Variants in IQSEC2 observed in about 807,000 individuals in gnomAD.
IQSEC2 encodes IQ motif and SEC7 domain-containing protein 2.
IQSEC2 carries 6 observed loss-of-function variants against 74.6 expected under a neutral mutation model. The observed-to-expected ratio is 0.08, with a 90% CI of 0.04 to 0.16. The LOEUF is 0.16. Ranked by LOEUF, IQSEC2 falls within the 10% of genes least tolerant of loss-of-function variation. IQSEC2 has a pLI of 1.00. For missense variants in IQSEC2, 734 were observed against 1,306.2 expected (o/e 0.56, Z 6.75); for synonymous variants, 494 against 544.5 (o/e 0.91, Z 1.29).
At chrX:53,271,159 G>A (rs782381459) in intron 2 of IQSEC2, among the ~76,000 whole-genome samples, 1 of 111,540 alleles carries the variant, frequency 9.0e-6, no homozygotes, top group African/African-American at 3.3e-5. Context: ...AGGCCTTTGC[G>A]GACACTGTCA....
chrX:53,304,199 T>A (rs967966175), intron 1 of IQSEC2, among the ~76,000 whole-genome samples: 1 of 109,783 alleles, frequency 9.1e-6, no homozygotes, highest in Admixed American at 9.7e-5. Context: ...AAGCCAAGAA[T>A]CAGACCTAGA....
At chrX:53,238,453 C>T (rs1301030055) in intron 11 of IQSEC2, 147 bp from the exon 12 acceptor site, 2 of 572,124 alleles carry the variant, frequency 3.5e-6, no homozygotes, top group Admixed American at 2.7e-5. Flanking sequence ...CATCATGGCT[C>T]ACTGCAGCCT....
intron 1 of IQSEC2, among the ~76,000 whole-genome samples, chrX:53,294,021 C>G (rs181516862): frequency 1.8e-5 from 2 of 111,635 alleles, no homozygotes; most frequent in Non-Finnish European, 3.8e-5. Flanking sequence ...CCTACCACCA[C>G]GCTCCACTGT....
At chrX:53,264,851 C>T (rs950294932) in intron 2 of IQSEC2, among the ~76,000 whole-genome samples, 2 of 109,446 alleles carry the variant, frequency 1.8e-5, no homozygotes, top group Non-Finnish European at 3.8e-5. Flanking sequence ...TTCCTACTTT[C>T]CCAAAGGATT....
chrX:53,319,724 G>A (rs2075410114), intron 1 of IQSEC2, among the ~76,000 whole-genome samples: 1 of 111,691 alleles, frequency 9.0e-6, no homozygotes, highest in African/African-American at 3.3e-5. Context: ...CCAGCAGAGG[G>A]GCAATCTAGA....
intron 1 of IQSEC2, among the ~76,000 whole-genome samples, chrX:53,306,859 G>A (rs1556876760): frequency 2.7e-5 from 3 of 111,210 alleles, no homozygotes; most frequent in African/African-American, 9.8e-5. Context: ...TGCAGCTGAG[G>A]AGGGAGACAG....
intron 2 of IQSEC2, among the ~76,000 whole-genome samples, chrX:53,276,324 G>T (rs1228698684): frequency 6.3e-5 from 7 of 111,807 alleles, no homozygotes; most frequent in African/African-American, 1.9e-4. Flanking sequence ...TTGTGAATGG[G>T]ATCTTTTCTA....
At chrX:53,267,740 G>C (rs782645374) in intron 2 of IQSEC2, among the ~76,000 whole-genome samples, 2 of 112,111 alleles carry the variant, frequency 1.8e-5, no homozygotes, top group African/African-American at 6.5e-5. Flanking sequence ...AGCTCTACAA[G>C]TGGTTCCAGG....
chrX:53,238,250 G>T lies in IQSEC2; in HGVS notation c.3172C>A (p.Leu1058Ile), dbSNP rs1556860185. The T allele has an allele frequency of 8.3e-7, 1 of 1,211,201 alleles. No homozygotes were observed. Among genetic ancestry groups the T allele is most frequent in the Admixed American group, 2.2e-5 (1 of 46,006 alleles). ...SAVPGGERKV[L>I]IIFNAPSLQD... ...AGGCTGGGGGCATTGAAGATGATGAGGACTTTTCGCTCCCCACCAGGTACT... is the reference window on the plus strand; with the variant it reads ...AGGCTGGGGGCATTGAAGATGATGATGACTTTTCGCTCCCCACCAGGTACT... The change falls in exon 12 of 15, where the codon CTC becomes ATC. Residue 1058 changes from leucine (L) to isoleucine (I), a missense_variant. Leu to Ile is a conservative substitution (Grantham distance 5, BLOSUM62 2). This residue lies in a region of IQSEC2 where 249 missense variants were observed against 467.9 expected (regional missense o/e 0.53). Coordinates refer to ENST00000642864, the MANE Select transcript of IQSEC2 (RefSeq NM_001111125.3).
intron 1 of IQSEC2, among the ~76,000 whole-genome samples, chrX:53,301,927 T>C (rs1414928698): frequency 1.8e-5 from 2 of 112,150 alleles, no homozygotes; most frequent in African/African-American, 6.5e-5. Flanking sequence ...CTTCAGAGAA[T>C]TGTGTTGAGG....
intron 4 of IQSEC2, among the ~76,000 whole-genome samples, chrX:53,253,862 C>T (rs2074425420): frequency 8.9e-6 from 1 of 111,831 alleles, no homozygotes; most frequent in Non-Finnish European, 1.9e-5. Flanking sequence ...GAGGCATATA[C>T]AGCACTGGCA....
chrX:53,320,552 G>A lies in IQSEC2; in HGVS notation c.572C>T (p.Ala191Val), dbSNP rs1556880040. 8.7e-7 allele frequency: 1 copy of A among 1,154,746 alleles called. No homozygotes were observed. Among genetic ancestry groups the A allele is most frequent in the Non-Finnish European group, 1.2e-6 (1 of 867,802 alleles). The change falls in exon 1 of 15, where the codon GCG (alanine) becomes GTG (valine). Residue 191 changes from alanine to valine, a missense_variant. This residue lies in a region of IQSEC2 where 134 missense variants were observed against 214.9 expected (regional missense o/e 0.62). Transcript: ENST00000642864. ...CGGTGGCCGCGGCCCCACGCCCACC[G>A]CCGCCGAATAGCCCGCTTCCTTCTC... ...GREKEAGYSA[A>V]VGVGPRPPRE...
At chrX:53,258,057 C>T (rs1661401562) in intron 2 of IQSEC2, among the ~76,000 whole-genome samples, 1 of 111,441 alleles carries the variant, frequency 9.0e-6, no homozygotes, top group Non-Finnish European at 1.9e-5. Context: ...TTCCCAAATG[C>T]TCCTCTGCTT....
At chrX:53,263,410 C>G (rs888743795) in intron 2 of IQSEC2, among the ~76,000 whole-genome samples, 2 of 111,008 alleles carry the variant, frequency 1.8e-5, no homozygotes, top group Non-Finnish European at 3.8e-5. Flanking sequence ...GAATCCCCCT[C>G]ACCTCTGGCC....
At chrX:53,241,288 T>G (rs1229578389) in intron 10 of IQSEC2, among the ~76,000 whole-genome samples, 1 of 110,062 alleles carries the variant, frequency 9.1e-6, no homozygotes, top group African/African-American at 3.3e-5. Context: ...GTATTTTTTG[T>G]GGAGACAGGG....
intron 4 of IQSEC2, among the ~76,000 whole-genome samples, chrX:53,251,881 G>A (rs2074396451): frequency 8.9e-6 from 1 of 111,853 alleles, no homozygotes; most frequent in African/African-American, 3.3e-5. Context: ...GCAACATGGC[G>A]AGACTCTATC....
intron 2 of IQSEC2, among the ~76,000 whole-genome samples, chrX:53,257,483 A>G (rs372686373): frequency 9.1e-6 from 1 of 110,400 alleles, no homozygotes; most frequent in Admixed American, 9.6e-5. Flanking sequence ...CCCTGACATC[A>G]CCCCCACTCC....
rs149324819 is a variant in IQSEC2, at chrX:53,296,953, A to G, written c.708-5029T>C. Among the ~76,000 whole-genome samples the G allele has an allele frequency of 4.9e-3, 546 of 110,611 alleles. 5 individuals are homozygous for G. The highest frequency in any genetic ancestry group is 8.3e-3 in the Non-Finnish European group (438 of 52,905). On this transcript the variant is annotated intron_variant, in intron 1 of 14. Transcript: ENST00000642864. ...AACAACTGTGCCCTCCTCTCATTCT[A>G]CCATCAGAGTTATATCACAAAGTTT...
At chrX:53,273,298 G>C (rs1164703118) in intron 2 of IQSEC2, among the ~76,000 whole-genome samples, 1 of 110,304 alleles carries the variant, frequency 9.1e-6, no homozygotes, top group African/African-American at 3.3e-5. Context: ...AGCCTTCTGG[G>C]CCTACTTCTG....
Sources: gnomAD v4.1 joint callset for allele counts (sites outside exome capture counted in the v4.1 genomes callset) on GRCh38, gnomAD v4.1.1 for gene constraint, gnomAD v4.1.1 regional missense constraint, MANE v1.5 for transcripts, NCBI Gene and HGNC (gene_info 2026-07-23, HGNC 2026-07-21) for gene names.